Variants in DNAJB13 observed in about 807,000 individuals in gnomAD.
The protein encoded by DNAJB13 is DnaJ heat shock protein family (Hsp40) member B13.
DNAJB13 carries 22 observed loss-of-function variants against 35.6 expected under a neutral mutation model. That is an observed-to-expected ratio of 0.62 (90% confidence interval 0.44 to 0.88). DNAJB13 has a LOEUF of 0.88. DNAJB13 is among the 40% of genes least tolerant of loss of function. The pLI is 0.00. For missense variants in DNAJB13, 370 were observed against 384.3 expected, an observed-to-expected ratio of 0.96 and a Z score of 0.31; for synonymous variants, 136 against 144.2, an observed-to-expected ratio of 0.94 and a Z score of 0.41.
intron 5 of DNAJB13, 143 bp from the exon 6 acceptor site, chr11:73,968,202 G>A: frequency 1.4e-6 from 1 of 706,484 alleles, no homozygotes. Context: ...GGCTATGGGG[G>A]CCAAACTGAA....
At chr11:73,954,036 T>C (rs1406404831) in intron 1 of DNAJB13, among the ~76,000 whole-genome samples, 1 of 146,212 alleles carries the variant, frequency 6.8e-6, no homozygotes, top group Non-Finnish European at 1.5e-5. Flanking sequence ...ATAATAATAA[T>C]AATAATGGCT....
At chr11:73,953,261 C>T (rs1950630501) in intron 1 of DNAJB13, among the ~76,000 whole-genome samples, 1 of 152,164 alleles carries the variant, frequency 6.6e-6, no homozygotes, top group Non-Finnish European at 1.5e-5. Flanking sequence ...CACCGTGGCT[C>T]ATGCCTGTAA....
intron 3 of DNAJB13, among the ~76,000 whole-genome samples, chr11:73,960,060 GC>G (rs1447720374): frequency 4.6e-5 from 7 of 152,172 alleles, no homozygotes; most frequent in Admixed American, 3.9e-4. Flanking sequence ...GAGCCACCGT[GC>G]CCGGCCTATT....
At chr11:73,953,455 C>T (rs1038245505) in intron 1 of DNAJB13, among the ~76,000 whole-genome samples, 2 of 152,162 alleles carry the variant, frequency 1.3e-5, no homozygotes, top group African/African-American at 4.8e-5. Context: ...AATTTCTGTC[C>T]CTTTTAAGGG....
rs772386876 is a variant in DNAJB13, at chr11:73,964,924, G to A, written c.381G>A (p.Gly127=). Reference sequence around the variant, plus strand: ...GTGAGGTAGATTTGAACTTTGGGGGGCTCCAGGGCCGAGGGGTCAAGAAGC... The same window carrying A: ...GTGAGGTAGATTTGAACTTTGGGGGACTCCAGGGCCGAGGGGTCAAGAAGC... ...EGSEVDLNFG[G]LQGRGVKKQD... The change falls in exon 4 of 8, where the codon GGG becomes GGA. Residue 127 remains glycine (G), a synonymous_variant. Transcript: ENST00000339764. 2.5e-6 allele frequency: 4 copies of A among 1,613,670 alleles called. No homozygotes were observed. The highest frequency in any genetic ancestry group is 2.2e-5 in the South Asian group (2 of 91,040).
intron 1 of DNAJB13, 98 bp downstream of exon 1, chr11:73,951,235 A>G (rs1950579235): frequency 2.1e-6 from 3 of 1,428,900 alleles, no homozygotes; most frequent in Non-Finnish European, 2.9e-6. Flanking sequence ...TAGCGCAGAC[A>G]AGGTAAACCT....
At position 73,964,977 on chromosome 11, in the gene DNAJB13, A is replaced by C. The variant is rs779429304; in HGVS notation, c.434A>C (p.Tyr145Ser). ...KQDPQVERDL[Y>S]LSLEDLFFGC... is the part of the protein sequence containing the mutation. The stretch of plus-strand genomic sequence containing the variant: ...GACCCCCAAGTCGAACGGGATCTCT[A>C]CCTGTCCCTGGAGGACTTATTCTTT... The change falls in exon 4 of 8, where the codon TAC (tyrosine) becomes TCC (serine). Residue 145 changes from tyrosine (Y) to serine (S), a missense_variant. Transcript: ENST00000339764. The C allele has an allele frequency of 1.9e-6, 3 of 1,612,176 alleles. No homozygotes were observed. In the African/African-American group the frequency reaches 4.0e-5, roughly 22 times the overall value.
intron 4 of DNAJB13, chr11:73,965,770 AGGAAT>A (rs1341668757): frequency 5.0e-6 from 1 of 198,946 alleles, no homozygotes; most frequent in African/African-American, 2.3e-5. Context: ...ATTTGGAGAG[AGGAAT>A]GGAGTACATT....
At chr11:73,954,000 AAATAATAAT>A (rs71467812) in intron 1 of DNAJB13, among the ~76,000 whole-genome samples, 3,121 of 136,436 alleles carry the variant, frequency 0.023, 55 homozygotes, top group African/African-American at 0.042. Flanking sequence ...AATAATAATA[AAATAATAAT>A]AATAATAATA....
chr11:73,953,827 G>A (rs1264547793), intron 1 of DNAJB13, among the ~76,000 whole-genome samples: 4 of 151,350 alleles, frequency 2.6e-5, no homozygotes, highest in African/African-American at 7.3e-5. Context: ...CTGAAACCCC[G>A]TCTCTACTAA....
chr11:73,958,527 C>A, intron 2 of DNAJB13, 107 bp downstream of exon 2: 1 of 1,022,964 alleles, frequency 9.8e-7, no homozygotes, highest in Non-Finnish European at 1.5e-6. Context: ...CATCCTTCTT[C>A]CCTGCCTAGA....
At chr11:73,968,218 C>A in intron 5 of DNAJB13, 127 bp from the exon 6 acceptor site, 1 of 798,356 alleles carries the variant, frequency 1.3e-6, no homozygotes, top group Non-Finnish European at 2.1e-6. Flanking sequence ...CTGAAAAGGC[C>A]CTTCCAGAAA....
rs1310283876 is a variant in DNAJB13, at chr11:73,965,012, A to T, written c.469A>T (p.Lys157Ter). The change falls in exon 4 of 8, where the codon AAA becomes TAA. Residue 157 changes from lysine (K) to a stop codon, truncating the protein, a stop_gained. Coordinates refer to ENST00000339764, the MANE Select transcript of DNAJB13 (RefSeq NM_153614.4). LOFTEE classifies it high-confidence loss of function. ...GGAGGACTTATTCTTTGGCTGCACCAAAAAAATTAAGATCTCCAGAAGGGT... is the reference window on the plus strand; with the variant it reads ...GGAGGACTTATTCTTTGGCTGCACCTAAAAAATTAAGATCTCCAGAAGGGT... Reference protein sequence around the residue: ...SLEDLFFGCTKKIKISRRVLN... With the variant: ...SLEDLFFGCT 6.3e-7 allele frequency: 1 copy of T among 1,591,478 alleles called. No individual in the cohort carries two copies. Among genetic ancestry groups the T allele is most frequent in the Non-Finnish European group, 8.5e-7 (1 of 1,170,790 alleles).
chr11:73,951,190 C>A, intron 1 of DNAJB13, 53 bp downstream of exon 1: 1 of 1,603,246 alleles, frequency 6.2e-7, no homozygotes, highest in South Asian at 1.1e-5. Context: ...AGGCCCTGCC[C>A]TCTTCTCTTC....
intron 1 of DNAJB13, among the ~76,000 whole-genome samples, chr11:73,951,906 C>T (rs1353712223): frequency 6.6e-6 from 1 of 152,090 alleles, no homozygotes; most frequent in African/African-American, 2.4e-5. Context: ...TCAGCCTTCC[C>T]AAGTGCTGGG....
intron 4 of DNAJB13, chr11:73,965,330 G>A (rs1332083666): frequency 4.0e-6 from 1 of 250,084 alleles, no homozygotes; most frequent in Non-Finnish European, 7.7e-6. Flanking sequence ...AACTGGAAAG[G>A]CTCTGAATGG....
intron 7 of DNAJB13, 78 bp downstream of exon 7, chr11:73,969,400 C>A: frequency 1.2e-6 from 1 of 827,204 alleles, no homozygotes; most frequent in South Asian, 1.4e-5. Flanking sequence ...GACAGGTCTG[C>A]CCAGTAGAGT....
chr11:73,958,265 C>G (rs10793068), intron 1 of DNAJB13, 52 bp from the exon 2 acceptor site: 7 of 1,582,314 alleles, frequency 4.4e-6, no homozygotes, highest in Non-Finnish European at 6.1e-6. Flanking sequence ...CTCTGGTCCG[C>G]CCTCAGAAAC....
At chr11:73,955,782 C>T (rs1201069543) in intron 1 of DNAJB13, among the ~76,000 whole-genome samples, 2 of 152,138 alleles carry the variant, frequency 1.3e-5, no homozygotes, top group Admixed American at 6.5e-5. Flanking sequence ...GCCTAGGTGA[C>T]AGAGTGAGAC....
Sources: allele counts gnomAD v4.1 joint callset (sites outside exome capture counted in the v4.1 genomes callset), GRCh38; gene constraint gnomAD v4.1.1; transcripts MANE v1.5; gene names NCBI Gene and HGNC (gene_info 2026-07-23, HGNC 2026-07-21).